Variants in CPSF3 observed in about 807,000 individuals in gnomAD.
CPSF3 encodes cleavage and polyadenylation specificity factor subunit 3.
A neutral mutation model predicts 84.1 loss-of-function variants in CPSF3; 57 were observed. That is an observed-to-expected ratio of 0.68 (90% CI 0.55 to 0.85). The LOEUF (loss-of-function observed/expected upper bound fraction) is 0.85. CPSF3 is among the 40% of genes least tolerant of loss of function. The pLI is 0.00. For synonymous variants in CPSF3, 275 were observed against 278.1 expected, an observed-to-expected ratio of 0.99 and a Z score of 0.11; for missense variants, 522 against 838.8, an observed-to-expected ratio of 0.62 and a Z score of 4.66.
At chr2:9,451,543 C>G (rs543308531) in intron 11 of CPSF3, among the ~76,000 whole-genome samples, 1 of 152,014 alleles carries the variant, frequency 6.6e-6, no homozygotes, top group Admixed American at 6.6e-5. Context: ...GCAGGCAGAT[C>G]CCTTAAGCTC....
chr2:9,426,165 G>C (rs1166035123), intron 1 of CPSF3, among the ~76,000 whole-genome samples: 4 of 152,192 alleles, frequency 2.6e-5, no homozygotes, highest in African/African-American at 9.6e-5. Flanking sequence ...CTGTTCTTAG[G>C]AAGCTTTCAT....
chr2:9,424,792 C>T (rs1009268257), intron 1 of CPSF3: 15 of 152,180 alleles, frequency 9.9e-5, no homozygotes, highest in Admixed American at 3.9e-4. Flanking sequence ...GAGAGAATTA[C>T]AGTGCACAGT....
At chr2:9,446,289 A>T (rs986885371) in intron 10 of CPSF3, among the ~76,000 whole-genome samples, 1 of 152,240 alleles carries the variant, frequency 6.6e-6, no homozygotes, top group Non-Finnish European at 1.5e-5. Context: ...TACTAAAAGT[A>T]TAAAAATTAG....
At chr2:9,430,413 A>G (rs541721346) in intron 3 of CPSF3, among the ~76,000 whole-genome samples, 2 of 152,158 alleles carry the variant, frequency 1.3e-5, no homozygotes, top group East Asian at 3.9e-4. Context: ...ATGTGACAAG[A>G]CAGTGACCTC....
intron 7 of CPSF3, among the ~76,000 whole-genome samples, chr2:9,438,996 G>A (rs768285590): frequency 1.1e-4 from 16 of 152,006 alleles, no homozygotes; most frequent in Non-Finnish European, 2.2e-4. Flanking sequence ...ATAAAAACAC[G>A]CACAACAAAC....
chr2:9,433,909 G>T lies in CPSF3; in HGVS notation c.558G>T (p.Arg186Ser). The T allele has an allele frequency of 6.2e-7, 1 of 1,610,594 alleles. No homozygotes were observed. The highest frequency in any genetic ancestry group is 1.1e-5 in the South Asian group (1 of 90,852). The stretch of plus-strand genomic sequence containing the variant: ...GTGATTTCTCAAGACAAGAAGATAG[G>T]CACTTAATGGCAGCTGAAATTCCTA... ...YTGDFSRQED[R>S]HLMAAEIPNI... Residue 186 changes from arginine to serine, a missense_variant, in exon 6 of 18, where the codon AGG (arginine) becomes AGT (serine). Arg to Ser is a moderately radical substitution (Grantham distance 110). This residue lies in a region of CPSF3 where 329 missense variants were observed against 607.2 expected (regional missense o/e 0.54). Coordinates refer to ENST00000238112, the MANE Select transcript of CPSF3 (RefSeq NM_016207.4).
intron 11 of CPSF3, 151 bp from the exon 12 acceptor site, chr2:9,452,762 A>G: frequency 1.6e-6 from 1 of 613,908 alleles, no homozygotes; most frequent in Non-Finnish European, 2.9e-6. Flanking sequence ...TCATAGAGAT[A>G]TCAAACATTT....
chr2:9,430,972 C>T, intron 4 of CPSF3, 92 bp downstream of exon 4: 1 of 927,314 alleles, frequency 1.1e-6, no homozygotes, highest in Non-Finnish European at 1.7e-6. Flanking sequence ...AAATGAGGTG[C>T]TCCCTTTTCA....
chr2:9,450,237 C>T (rs184363152), intron 11 of CPSF3, among the ~76,000 whole-genome samples: 23 of 151,376 alleles, frequency 1.5e-4, no homozygotes, highest in East Asian at 1.2e-3. Flanking sequence ...CTGCAACCTC[C>T]GCCTCCCAGG....
intron 15 of CPSF3, among the ~76,000 whole-genome samples, chr2:9,466,554 C>T (rs1384842652): frequency 6.6e-6 from 1 of 152,168 alleles, no homozygotes; most frequent in Non-Finnish European, 1.5e-5. Context: ...CGTGATCATA[C>T]CACTACAGTC....
chr2:9,443,604 T>C lies in CPSF3; in HGVS notation c.1185T>C (p.Ala395=), dbSNP rs370764569. 7.4e-6 allele frequency: 12 copies of C among 1,614,090 alleles called. No individual in the cohort carries two copies. Among genetic ancestry groups the C allele is most frequent in the Non-Finnish European group, 1.0e-5 (12 of 1,180,040 alleles). The change falls in exon 10 of 18, where the codon GCT becomes GCC. Residue 395 remains alanine, a synonymous_variant. Coordinates refer to ENST00000238112, the MANE Select transcript of CPSF3 (RefSeq NM_016207.4). ...KMSVDYISFS[A]HTDYQQTSEF... Reference sequence around the variant, plus strand: ...CTGTTGATTACATTTCTTTCTCAGCTCACACGGATTACCAGCAAACCAGTG... The same window carrying C: ...CTGTTGATTACATTTCTTTCTCAGCCCACACGGATTACCAGCAAACCAGTG...
chr2:9,426,892 C>G (rs934977731), intron 1 of CPSF3, among the ~76,000 whole-genome samples: 9 of 95,804 alleles, frequency 9.4e-5, no homozygotes, highest in African/African-American at 3.9e-4. Flanking sequence ...AAAAAAAAGA[C>G]TGAAATGACT....
At chr2:9,440,379 T>C (rs1468191588) in intron 7 of CPSF3, 112 bp from the exon 8 acceptor site, 4 of 900,190 alleles carry the variant, frequency 4.4e-6, no homozygotes, top group Non-Finnish European at 6.6e-6. Flanking sequence ...AGTTGTGTGC[T>C]TTATTTCTTG....
At position 9,436,501 on chromosome 2, in the gene CPSF3, C is replaced by T. The variant is rs371902928; in HGVS notation, c.760+140C>T. On this transcript the variant is annotated intron_variant, in intron 7 of 17. Coordinates refer to ENST00000238112, the MANE Select transcript of CPSF3 (RefSeq NM_016207.4). Reference sequence around the variant, plus strand: ...AAAAATAGAGATTTGGGGCCGGGCGCGGTGGCTCACGCCTGTAATCCCAGC... The same window carrying T: ...AAAAATAGAGATTTGGGGCCGGGCGTGGTGGCTCACGCCTGTAATCCCAGC... The T allele has an allele frequency of 3.3e-4, 279 of 839,776 alleles. No individual in the cohort carries two copies. The East Asian group carries it at 7.1e-3, about 21-fold the overall frequency. The allele number at this position is 839,776 out of a possible 1,614,324, so 52.0% of individuals were successfully genotyped here.
intron 15 of CPSF3, 47 bp downstream of exon 15, chr2:9,459,665 T>TTTTTTTTTTTTTC (rs1681664518): frequency 1.3e-6 from 1 of 755,112 alleles, no homozygotes. Flanking sequence ...TTTTTTTTTT[T>TTTTTTTTTTTTTC]TGGAGACGGA....
At chr2:9,440,851 A>G (rs1056569045) in intron 8 of CPSF3, among the ~76,000 whole-genome samples, 185 bp downstream of exon 8, 1 of 152,242 alleles carries the variant, frequency 6.6e-6, no homozygotes, top group African/African-American at 2.4e-5. Flanking sequence ...CCCTGTCTCT[A>G]TCAAAATAAA....
At chr2:9,450,974 C>T (rs1160005814) in intron 11 of CPSF3, among the ~76,000 whole-genome samples, 3 of 151,782 alleles carry the variant, frequency 2.0e-5, no homozygotes, top group Non-Finnish European at 2.9e-5. Flanking sequence ...TTTCAGGGGC[C>T]GATTTAATAG....
At chr2:9,434,311 G>A (rs1379430061) in intron 6 of CPSF3, among the ~76,000 whole-genome samples, 1 of 151,972 alleles carries the variant, frequency 6.6e-6, no homozygotes, top group Non-Finnish European at 1.5e-5. Context: ...GGAGGTTGCA[G>A]TGAGCCAAGA....
intron 5 of CPSF3, among the ~76,000 whole-genome samples, chr2:9,433,063 T>C (rs1680651882): frequency 6.6e-6 from 1 of 152,208 alleles, no homozygotes; most frequent in Non-Finnish European, 1.5e-5. Flanking sequence ...CCCCCTGATG[T>C]CTTAGAATTC....
Sources: allele counts gnomAD v4.1 joint callset (sites outside exome capture counted in the v4.1 genomes callset), GRCh38; gene constraint gnomAD v4.1.1; regional missense constraint gnomAD v4.1.1; transcripts MANE v1.5; gene names NCBI Gene and HGNC (gene_info 2026-07-23, HGNC 2026-07-21).